ZDHHC18: variants seen among roughly 807,000 people sequenced by gnomAD.
ZDHHC18 encodes the protein palmitoyltransferase ZDHHC18.
In ZDHHC18, 23 loss-of-function variants were observed where a neutral mutation model predicts 37.5. That is an observed-to-expected ratio of 0.61 (90% CI 0.44 to 0.87). The LOEUF (loss-of-function observed/expected upper bound fraction) is 0.87. Ranked by LOEUF, ZDHHC18 falls within the 40% of genes least tolerant of loss-of-function variation. The pLI is 0.00. For synonymous variants in ZDHHC18, 185 were observed against 218.7 expected (o/e 0.85, Z 1.36); for missense variants, 406 against 525.6 (o/e 0.77, Z 2.22).
chr1:26,849,229 G>C (rs1467420784), intron 3 of ZDHHC18, among the ~76,000 whole-genome samples: 1 of 152,194 alleles, frequency 6.6e-6, no homozygotes. Flanking sequence ...AAGCTGATGA[G>C]GTGCAGAGGA....
At position 26,856,493 on chromosome 1, in the gene ZDHHC18, T is replaced by G. The variant is rs10902646; in HGVS notation, c.*2650T>G. 170,705 of 235,672 alleles carry G rather than the reference T, an allele frequency of 0.72. 63,484 individuals are homozygous for G. The highest frequency in any genetic ancestry group is 1 in the East Asian group (10,304 of 10,326). The allele number at this position is 235,672 out of a possible 1,614,324, so 14.6% of individuals were successfully genotyped here. On this transcript the variant is annotated 3_prime_UTR_variant, in exon 8 of 8. Transcript: ENST00000374142. This position sits in a 1 kb window ranked among gnomAD's most constrained non-coding sequence, Gnocchi z 5.2. ...CATTGTGGACTGAGGAAGTAGCTTC[T>G]CGCAGAGCAGCTCTCCAGCTGGAAG...
At chr1:26,842,133 CAAAAAAA>C (rs958757844) in intron 2 of ZDHHC18, among the ~76,000 whole-genome samples, 2 of 100,058 alleles carry the variant, frequency 2.0e-5, no homozygotes, top group African/African-American at 7.0e-5. Context: ...GACTCCATCT[CAAAAAAA>C]AAAAAAAAAA....
At chr1:26,829,794 A>G (rs1210522298) in intron 1 of ZDHHC18, among the ~76,000 whole-genome samples, 1 of 152,184 alleles carries the variant, frequency 6.6e-6, no homozygotes, top group Non-Finnish European at 1.5e-5. Flanking sequence ...TAGTTCTGTC[A>G]TTGGCTGGCT....
At chr1:26,848,543 C>T in intron 2 of ZDHHC18, 65 bp from the exon 3 acceptor site, 2 of 1,573,556 alleles carry the variant, frequency 1.3e-6, no homozygotes, top group Non-Finnish European at 8.7e-7. Flanking sequence ...TAGCTTTCCC[C>T]TGCTGGGGAT....
intron 2 of ZDHHC18, among the ~76,000 whole-genome samples, chr1:26,833,758 G>A (rs2081598450): frequency 6.6e-6 from 1 of 152,114 alleles, no homozygotes; most frequent in Non-Finnish European, 1.5e-5. Flanking sequence ...TCCCCTAACA[G>A]CATGGTGTTC....
chr1:26,846,957 A>G lies in ZDHHC18; in HGVS notation c.497-1651A>G, dbSNP rs550540121. Among the ~76,000 whole-genome samples, 10 of 150,554 alleles carry G rather than the reference A, an allele frequency of 6.6e-5. No individual in the cohort carries two copies. In the East Asian group the frequency reaches 9.9e-4, roughly 15 times the overall value. ...GTCGCCCAGGCTGGAGTGCAGTGGC[A>G]TGATCTCGGCTCACTGCAAGCTCCG... On this transcript the variant is annotated intron_variant, in intron 2 of 7. Coordinates refer to ENST00000374142, the MANE Select transcript of ZDHHC18 (RefSeq NM_032283.3).
At chr1:26,846,172 A>G (rs1458140222) in intron 2 of ZDHHC18, among the ~76,000 whole-genome samples, 1 of 146,014 alleles carries the variant, frequency 6.8e-6, no homozygotes, top group African/African-American at 2.5e-5. Flanking sequence ...ATATGTCTAT[A>G]TATACACATA....
chr1:26,850,157 G>A lies in ZDHHC18; in HGVS notation c.647-144G>A. On this transcript the variant is annotated intron_variant, in intron 3 of 7. Coordinates refer to ENST00000374142, the MANE Select transcript of ZDHHC18 (RefSeq NM_032283.3). This position sits in a 1 kb window ranked among gnomAD's most constrained non-coding sequence, Gnocchi z 6.1. Reference sequence around the variant, plus strand: ...GGAACTGGTACACAAAGGACCAGAGGCAGGTGTGTCCAAGGCCTGGGAGCC... The same window carrying A: ...GGAACTGGTACACAAAGGACCAGAGACAGGTGTGTCCAAGGCCTGGGAGCC... 1.1e-6 allele frequency: 1 copy of A among 939,972 alleles called. No homozygotes were observed. Among genetic ancestry groups the A allele is most frequent in the Admixed American group, 2.6e-5 (1 of 38,240 alleles). 58.2% of individuals were successfully genotyped at this position (939,972 alleles called of 1,614,324 possible).
rs949204751 is a variant in ZDHHC18 at position 26,853,713 on chromosome 1, T to A, written c.1050-13T>A. 4 of 1,612,960 alleles carry A rather than the reference T, an allele frequency of 2.5e-6. No homozygotes were observed. The South Asian group carries it at 3.3e-5, about 13-fold the overall frequency. On this transcript the variant is annotated splice_polypyrimidine_tract_variant and intron_variant, in intron 7 of 7. Transcript: ENST00000374142. ...GGGCAGAGCCCTCATGTGTCTCCCTTGTGTTTTGGAAGCCTAATTGACCGG... is the reference window on the plus strand; with the variant it reads ...GGGCAGAGCCCTCATGTGTCTCCCTAGTGTTTTGGAAGCCTAATTGACCGG...
intron 1 of ZDHHC18, among the ~76,000 whole-genome samples, 177 bp from the exon 2 acceptor site, chr1:26,832,270 G>T (rs531016353): frequency 1.8e-4 from 28 of 152,262 alleles, no homozygotes; most frequent in African/African-American, 6.7e-4. Flanking sequence ...GTCTGTTCCC[G>T]GTACTTATTG....
At chr1:26,852,602 T>C (rs530149955) in intron 6 of ZDHHC18, 151 bp from the exon 7 acceptor site, 304 of 633,328 alleles carry the variant, frequency 4.8e-4, no homozygotes, top group Non-Finnish European at 7.1e-4. Context: ...GTCCCCCACA[T>C]TCTCATTGAA....
chr1:26,853,906 C>A lies in ZDHHC18; in HGVS notation c.*63C>A. ...CCCTCCGCACTCACCTGCCGGGACC[C>A]TCCCTATTCCATCCAAGGGAAGCAG... On this transcript the variant is annotated 3_prime_UTR_variant, in exon 8 of 8. Coordinates refer to ENST00000374142, the MANE Select transcript of ZDHHC18 (RefSeq NM_032283.3). 1 of 1,403,208 alleles carries A rather than the reference C, an allele frequency of 7.1e-7. No individual in the cohort carries two copies. The highest frequency in any genetic ancestry group is 1.0e-6 in the Non-Finnish European group (1 of 1,001,920). 86.9% of individuals were successfully genotyped at this position (1,403,208 alleles called of 1,614,324 possible).
At position 26,845,320 on chromosome 1, in the gene ZDHHC18, C is replaced by CTTTTTTTT. The variant is rs71007896; in HGVS notation, c.497-3263_497-3256dup. Among the ~76,000 whole-genome samples, 183 of 45,246 alleles carry CTTTTTTTT rather than the reference C, an allele frequency of 4.0e-3. 30 individuals are homozygous for CTTTTTTTT. The highest frequency in any genetic ancestry group is 6.3e-3 in the African/African-American group (50 of 7,982). The allele number at this position is 45,246 out of a possible 152,430, so 29.7% of individuals were successfully genotyped here. On this transcript the variant is annotated intron_variant, in intron 2 of 7. Coordinates refer to ENST00000374142, the MANE Select transcript of ZDHHC18 (RefSeq NM_032283.3). ...CTGCTCTAAAGGTTACTTCTTCATTCTTTTTTTTTTTTTTTTTTTTTTTTT... is the reference window on the plus strand; with the variant it reads ...CTGCTCTAAAGGTTACTTCTTCATTCTTTTTTTTTTTTTTTTTTTTTTTTTTTTTTTTT...
rs2081697002 is a variant in ZDHHC18 at position 26,850,477 on chromosome 1, C to T, written c.784+39C>T. 1 of 1,614,232 alleles carries T rather than the reference C, an allele frequency of 6.2e-7. No homozygotes were observed. The highest frequency in any genetic ancestry group is 8.5e-7 in the Non-Finnish European group (1 of 1,180,022). On this transcript the variant is annotated intron_variant, in intron 4 of 7. Coordinates refer to ENST00000374142, the MANE Select transcript of ZDHHC18 (RefSeq NM_032283.3). The surrounding 1 kb of genome is among the most constrained non-coding windows in gnomAD (Gnocchi z 6.1). ...GAGGGCAGTGGGGAGTGGAAGGGGT[C>T]AGCCAGCAAGCTCAAGGGTCAGCAA...
At chr1:26,828,286 G>A (rs1241872700) in intron 1 of ZDHHC18, among the ~76,000 whole-genome samples, 2 of 141,296 alleles carry the variant, frequency 1.4e-5, no homozygotes, top group Non-Finnish European at 3.0e-5. Flanking sequence ...ATACAGTGTA[G>A]TTAAGAACTC....
At chr1:26,827,478 C>CA (rs2081564054) in intron 1 of ZDHHC18, among the ~76,000 whole-genome samples, 3 of 152,228 alleles carry the variant, frequency 2.0e-5, no homozygotes, top group African/African-American at 7.2e-5. Context: ...CCCCCATCCT[C>CA]GCTGCCCTCT....
chr1:26,833,791 C>T (rs2081598739), intron 2 of ZDHHC18, among the ~76,000 whole-genome samples: 1 of 152,168 alleles, frequency 6.6e-6, no homozygotes, highest in Non-Finnish European at 1.5e-5. Context: ...AAACACCCAG[C>T]TGGCCCTGAA....
At chr1:26,847,548 A>C (rs1001197426) in intron 2 of ZDHHC18, among the ~76,000 whole-genome samples, 1 of 152,180 alleles carries the variant, frequency 6.6e-6, no homozygotes, top group Non-Finnish European at 1.5e-5. Flanking sequence ...AGATTTCCAC[A>C]GTTGCCCTCC....
rs1050318129 is a variant in ZDHHC18 at position 26,850,047 on chromosome 1, C to T, written c.647-254C>T. On this transcript the variant is annotated intron_variant, in intron 3 of 7. Transcript: ENST00000374142. The surrounding 1 kb of genome is among the most constrained non-coding windows in gnomAD (Gnocchi z 6.1). ...CTAGTCTGGGATTGGAAGAGACTTTCTTAAGGAGGTGGCTTTGCAGCTGAG... is the reference window on the plus strand; with the variant it reads ...CTAGTCTGGGATTGGAAGAGACTTTTTTAAGGAGGTGGCTTTGCAGCTGAG... Among the ~76,000 whole-genome samples, 1 of 152,208 alleles carries T rather than the reference C, an allele frequency of 6.6e-6. No homozygotes were observed. Among genetic ancestry groups the T allele is most frequent in the Non-Finnish European group, 1.5e-5 (1 of 68,026 alleles).
Sources: gnomAD v4.1 joint callset for allele counts (sites outside exome capture counted in the v4.1 genomes callset) on GRCh38, gnomAD v4.1.1 for gene constraint, Gnocchi (gnomAD v3.1) non-coding constraint, MANE v1.5 for transcripts, NCBI Gene and HGNC (gene_info 2026-07-23, HGNC 2026-07-21) for gene names.